The following KLF13 variants were observed in gnomAD, a reference collection of about 807,000 sequenced individuals.
KLF13 encodes Krueppel-like factor 13.
Under a neutral mutation model 16.7 loss-of-function variants are expected in KLF13, and 8 were observed. The observed-to-expected ratio is 0.48, with a 90% CI of 0.28 to 0.87. KLF13 has a LOEUF of 0.87. KLF13 is among the 40% of genes least tolerant of loss of function. The pLI, the probability that KLF13 is intolerant of heterozygous loss-of-function variation, is 0.10. For synonymous variants in KLF13, 245 were observed against 208.4 expected (o/e 1.18, Z -1.51); for missense variants, 447 against 452.2 (o/e 0.99, Z 0.10).
At chr15:31,343,926 T>C (rs896622009) in intron 1 of KLF13, among the ~76,000 whole-genome samples, 2 of 152,176 alleles carry the variant, frequency 1.3e-5, no homozygotes, top group African/African-American at 4.8e-5. Flanking sequence ...CTTGTCAGTC[T>C]TTGTATAATG....
chr15:31,347,400 T>C (rs1235529983), intron 1 of KLF13, among the ~76,000 whole-genome samples: 4 of 152,078 alleles, frequency 2.6e-5, no homozygotes, highest in Non-Finnish European at 5.9e-5. Flanking sequence ...AGGGAAGAGC[T>C]ACCCAGGCTT....
chr15:31,335,503 A>C (rs1050837636), intron 1 of KLF13, among the ~76,000 whole-genome samples: 1 of 30,146 alleles, frequency 3.3e-5, no homozygotes, highest in African/African-American at 1.3e-4. Context: ...GGGCGGGGGG[A>C]GGGCACAGCA....
chr15:31,352,474 C>T (rs1053737739), intron 1 of KLF13, among the ~76,000 whole-genome samples: 3 of 152,246 alleles, frequency 2.0e-5, no homozygotes, highest in Admixed American at 6.5e-5. Context: ...CCATGCCTGC[C>T]TTCTCCATGG....
rs150598203 is a variant in KLF13, at chr15:31,385,229, A to G, written n.224-50141A>G. ...GTTTGTTGTTTAAGTCATCCAGTCT[A>G]TAGTAATTAGTTTTAGCAGCCTGAA... On this transcript the variant is annotated intron_variant and non_coding_transcript_variant, in intron 1 of 1. Coordinates refer to the KLF13 transcript ENST00000558921. Among the ~76,000 whole-genome samples the G allele has an allele frequency of 1.6e-3, 238 of 152,322 alleles. 4 individuals are homozygous for G. Among genetic ancestry groups the G allele is most frequent in the African/African-American group, 5.5e-3 (229 of 41,568 alleles).
At chr15:31,412,038 T>C (rs2040202114) in intron 1 of KLF13, among the ~76,000 whole-genome samples, 1 of 152,162 alleles carries the variant, frequency 6.6e-6, no homozygotes, top group Non-Finnish European at 1.5e-5. Flanking sequence ...AAGTTATATA[T>C]TGAAACTGAA....
intron 1 of KLF13, among the ~76,000 whole-genome samples, chr15:31,360,904 C>T (rs1026773099): frequency 2.6e-5 from 4 of 152,192 alleles, no homozygotes; most frequent in African/African-American, 9.7e-5. Flanking sequence ...CACCTGGAGC[C>T]GGCCAGGTGG....
intron 1 of KLF13, among the ~76,000 whole-genome samples, chr15:31,345,481 T>G (rs991031528): frequency 6.6e-6 from 1 of 152,208 alleles, no homozygotes; most frequent in Non-Finnish European, 1.5e-5. Flanking sequence ...GGGCAGATCC[T>G]GCCTTGAGTG....
At chr15:31,394,586 C>T (rs745888306) in intron 2 of KLF13, among the ~76,000 whole-genome samples, 17 of 151,948 alleles carry the variant, frequency 1.1e-4, no homozygotes, top group Non-Finnish European at 2.2e-4. Flanking sequence ...AAAAAGAAGT[C>T]CTGTGGATAT....
chr15:31,425,097 A>G lies in KLF13; in HGVS notation n.118-10273A>G, dbSNP rs76631962. Among the ~76,000 whole-genome samples the G allele has an allele frequency of 1.3e-3, 203 of 152,304 alleles. 3 individuals carry two copies. The South Asian group carries it at 0.023, about 18-fold the overall frequency. On this transcript the variant is annotated intron_variant and non_coding_transcript_variant, in intron 1 of 1. Transcript: ENST00000558225. ...TTAATCAAGGAGGTGAAAGACTTAT[A>G]TACTGAAAACTACAAAACATTGCTG...
rs532383665 is a variant in KLF13, at chr15:31,342,081, G to A, written c.577+14292G>A. On this transcript the variant is annotated intron_variant, in intron 1 of 1. Transcript: ENST00000307145. ...TGGCTAGACTCTTTAATTAGCAGAA[G>A]TAGATGAACTGAAACCTCAACCTCA... Among the ~76,000 whole-genome samples the A allele has an allele frequency of 2.4e-4, 37 of 152,312 alleles. No homozygotes were observed. The South Asian group carries it at 7.3e-3, about 30-fold the overall frequency.
At chr15:31,336,926 C>A (rs187479268) in intron 1 of KLF13, among the ~76,000 whole-genome samples, 1 of 152,100 alleles carries the variant, frequency 6.6e-6, no homozygotes. Flanking sequence ...GGGACCAGGG[C>A]GGATAAATGG....
intron 1 of KLF13, chr15:31,339,797 G>A (rs1595456155): frequency 1.3e-5 from 8 of 613,312 alleles, no homozygotes; most frequent in East Asian, 2.8e-5. Flanking sequence ...GGCTGGCTGC[G>A]CCCAGTGGAT....
In KLF13 at chr15:31,429,603, C is replaced by T. The variant is rs1321386231; in HGVS notation, n.118-5767C>T. On this transcript the variant is annotated intron_variant and non_coding_transcript_variant, in intron 1 of 1. Coordinates refer to the KLF13 transcript ENST00000558225. ...AATGGTAAATGTTATGTATATTTTA[C>T]CAGAATTAAATAAAGATGAAAAGCA... Among the ~76,000 whole-genome samples, 3 of 151,548 alleles carry T rather than the reference C, an allele frequency of 2.0e-5. No homozygotes were observed. In the East Asian group the frequency reaches 5.8e-4, roughly 29 times the overall value.
At chr15:31,343,692 G>A (rs1286796142) in intron 1 of KLF13, among the ~76,000 whole-genome samples, 1 of 152,186 alleles carries the variant, frequency 6.6e-6, no homozygotes, top group African/African-American at 2.4e-5. Flanking sequence ...TAAACTGCCT[G>A]TTGTTGTTAA....
intron 1 of KLF13, among the ~76,000 whole-genome samples, chr15:31,412,212 A>C (rs374380830): frequency 6.6e-6 from 1 of 152,204 alleles, no homozygotes; most frequent in Non-Finnish European, 1.5e-5. Flanking sequence ...CCATCTTTGA[A>C]AAAAAGGAGC....
At chr15:31,434,847 C>T (rs896399915) in intron 1 of KLF13, among the ~76,000 whole-genome samples, 4 of 152,216 alleles carry the variant, frequency 2.6e-5, no homozygotes, top group Non-Finnish European at 1.5e-5. Flanking sequence ...GTTCCAACCC[C>T]AAGGCCATGG....
chr15:31,366,921 A>G (rs1290143645), intron 1 of KLF13, among the ~76,000 whole-genome samples: 10 of 152,274 alleles, frequency 6.6e-5, no homozygotes, highest in Non-Finnish European at 1.5e-4. Flanking sequence ...CCAAAAGAGT[A>G]CAGTAGGCTA....
Position 31,374,911 on chromosome 15 carries a change from ATTTTTCC to A in KLF13, c.*2616_*2622del. ...GTTTCCAAAGAGAGCACTTAATTTA[ATTTTTCC>A]TTTAAATGACCCAGGGCTGTTCCGT... On this transcript the variant is annotated 3_prime_UTR_variant, in exon 2 of 2. Coordinates refer to ENST00000307145, the MANE Select transcript of KLF13 (RefSeq NM_015995.4). The A allele has an allele frequency of 6.6e-6, 1 of 152,322 alleles. No homozygotes were observed. Among genetic ancestry groups the A allele is most frequent in the South Asian group, 2.1e-4 (1 of 4,802 alleles). The allele number at this position is 152,322 out of a possible 1,614,324, so 9.4% of individuals were successfully genotyped here.
chr15:31,395,919 A>G (rs1449474978), intron 2 of KLF13, among the ~76,000 whole-genome samples: 1 of 152,130 alleles, frequency 6.6e-6, no homozygotes, highest in Non-Finnish European at 1.5e-5. Flanking sequence ...AGAGTCCCTG[A>G]TCCTCCATCC....
Sources: gnomAD v4.1 joint callset for allele counts (sites outside exome capture counted in the v4.1 genomes callset) on GRCh38, gnomAD v4.1.1 for gene constraint, MANE v1.5 for transcripts, NCBI Gene and HGNC (gene_info 2026-07-23, HGNC 2026-07-21) for gene names.